PARD3: variants seen among roughly 807,000 people sequenced by gnomAD.
PARD3 encodes partitioning defective 3 homolog.
In PARD3, 75 loss-of-function variants were observed where a neutral mutation model predicts 155.4. That is an observed-to-expected ratio of 0.48 (90% confidence interval 0.40 to 0.58). PARD3 has a LOEUF of 0.58. PARD3 is among the 20% of genes least tolerant of loss of function. The probability of loss-of-function intolerance (pLI) is 0.00; values close to 1 mark genes in which losing one functional copy is unlikely to be tolerated. For synonymous variants in PARD3, 576 were observed against 610.5 expected (o/e 0.94, Z 0.83); for missense variants, 1,642 against 1,721.7 (o/e 0.95, Z 0.82).
Position 34,327,278 on chromosome 10 carries a change from A to G in PARD3, c.2833+3839T>C, listed in dbSNP as rs1019253512. On this transcript the variant is annotated intron_variant, in intron 19 of 24. Transcript: ENST00000374788. ...AGAATACAAAGCTCCATCTTGATCCAGACAGACGCACACAACATGGAGAGG... is the reference window on the plus strand; with the variant it reads ...AGAATACAAAGCTCCATCTTGATCCGGACAGACGCACACAACATGGAGAGG... Among the ~76,000 whole-genome samples the G allele has an allele frequency of 2.5e-4, 38 of 152,232 alleles. 1 individual carries two copies. The highest frequency in any genetic ancestry group is 1.0e-4 in the Non-Finnish European group (7 of 68,044).
At chr10:34,426,702 A>T (rs1368425651) in intron 5 of PARD3, 2 of 152,158 alleles carry the variant, frequency 1.3e-5, no homozygotes, top group Non-Finnish European at 2.9e-5. Context: ...TTAAAAATGT[A>T]GGAGACCTTC....
At chr10:34,345,566 C>G in intron 15 of PARD3, 1 of 985,000 alleles carries the variant, frequency 1.0e-6, no homozygotes, top group Non-Finnish European at 1.2e-6. Context: ...AATATCTATG[C>G]GCCTAGATAC....
At chr10:34,609,430 T>C (rs1342399127) in intron 2 of PARD3, among the ~76,000 whole-genome samples, 1 of 152,202 alleles carries the variant, frequency 6.6e-6, no homozygotes, top group African/African-American at 2.4e-5. Context: ...CTCAATACTG[T>C]CAAGACTGTG....
chr10:34,592,408 T>C (rs945362937), intron 2 of PARD3, among the ~76,000 whole-genome samples: 12 of 152,204 alleles, frequency 7.9e-5, no homozygotes, highest in Admixed American at 5.2e-4. Context: ...GAATGTAATA[T>C]TAGAATGCAT....
At chr10:34,691,970 C>T (rs1048480934) in intron 2 of PARD3, among the ~76,000 whole-genome samples, 10 of 152,218 alleles carry the variant, frequency 6.6e-5, no homozygotes, top group Admixed American at 2.0e-4. Flanking sequence ...TGGTGGCCCA[C>T]GCCTGTAATC....
intron 9 of PARD3, 150 bp downstream of exon 9, chr10:34,382,390 A>C (rs1841951373): frequency 2.7e-6 from 2 of 728,198 alleles, no homozygotes; most frequent in East Asian, 5.2e-5. Context: ...GTAACTTTAA[A>C]AAATCTATCA....
intron 21 of PARD3, among the ~76,000 whole-genome samples, chr10:34,278,130 T>C (rs2133899911): frequency 6.6e-6 from 1 of 152,178 alleles, no homozygotes; most frequent in Non-Finnish European, 1.5e-5. Context: ...CACTTCAGCC[T>C]TGAACTCCTG....
chr10:34,729,170 CCTT>C (rs2094772219), intron 1 of PARD3, among the ~76,000 whole-genome samples: 1 of 152,186 alleles, frequency 6.6e-6, no homozygotes, highest in East Asian at 1.9e-4. Flanking sequence ...AATGAATCCT[CCTT>C]AAGCGGCGCG....
intron 21 of PARD3, among the ~76,000 whole-genome samples, chr10:34,282,337 A>G (rs1956199167): frequency 1.3e-5 from 2 of 152,172 alleles, no homozygotes; most frequent in Admixed American, 1.3e-4. Flanking sequence ...TTGTAAATTC[A>G]TTATGATCAA....
chr10:34,263,885 T>C (rs1955157276), intron 22 of PARD3, among the ~76,000 whole-genome samples: 1 of 152,206 alleles, frequency 6.6e-6, no homozygotes, highest in South Asian at 2.1e-4. Flanking sequence ...GAAGAGCTAA[T>C]TGAGCAACAC....
At chr10:34,364,726 G>C (rs1322685754) in intron 12 of PARD3, among the ~76,000 whole-genome samples, 2 of 152,094 alleles carry the variant, frequency 1.3e-5, no homozygotes, top group African/African-American at 4.8e-5. Context: ...GAGCCACCAT[G>C]CCCAGCTGAG....
At chr10:34,491,507 T>C (rs574461472) in intron 3 of PARD3, among the ~76,000 whole-genome samples, 1 of 152,352 alleles carries the variant, frequency 6.6e-6, no homozygotes, top group South Asian at 2.1e-4. Context: ...TTGTCCCTCT[T>C]GGGAATGATA....
chr10:34,804,887 A>G (rs1053376670), intron 1 of PARD3, among the ~76,000 whole-genome samples: 1 of 152,224 alleles, frequency 6.6e-6, no homozygotes, highest in African/African-American at 2.4e-5. Context: ...ATTAATACAC[A>G]TCTTTTGATT....
At position 34,309,547 on chromosome 10, in the gene PARD3, CCAAAA is replaced by C. The variant is rs1957589443; in HGVS notation, c.3065+7555_3065+7559del. On this transcript the variant is annotated intron_variant, in intron 20 of 24. Transcript: ENST00000374788. Reference sequence around the variant, plus strand: ...ACTCCTGCTGAGCAAGACCCTGTCTCCAAAAAAAAAAAAAAAAAAAAAAAAAAAAA... The same window carrying C: ...ACTCCTGCTGAGCAAGACCCTGTCTCAAAAAAAAAAAAAAAAAAAAAAAAA... 4.3e-5 allele frequency among the ~76,000 whole-genome samples: 2 copies of C among 46,644 alleles called. 1 individual carries two copies. The highest frequency in any genetic ancestry group is 6.0e-4 in the Admixed American group (2 of 3,344). The allele number at this position is 46,644 out of a possible 152,430, so 30.6% of individuals were successfully genotyped here.
At chr10:34,798,143 G>A (rs1012990339) in intron 1 of PARD3, among the ~76,000 whole-genome samples, 2 of 146,564 alleles carry the variant, frequency 1.4e-5, no homozygotes, top group African/African-American at 2.6e-5. Context: ...AACTTAGCAA[G>A]AACCCATCTC....
chr10:34,704,582 A>G (rs1195440137), intron 1 of PARD3, among the ~76,000 whole-genome samples: 1 of 152,186 alleles, frequency 6.6e-6, no homozygotes, highest in African/African-American at 2.4e-5. Context: ...AACAACAAGA[A>G]AAAACAAACG....
At chr10:34,729,563 T>C (rs2094780202) in intron 1 of PARD3, among the ~76,000 whole-genome samples, 2 of 150,600 alleles carry the variant, frequency 1.3e-5, no homozygotes, top group Admixed American at 1.3e-4. Flanking sequence ...TAAGATATGA[T>C]GCTATAAAAA....
intron 5 of PARD3, among the ~76,000 whole-genome samples, chr10:34,439,682 C>T (rs2132641103): frequency 6.6e-6 from 1 of 152,104 alleles, no homozygotes; most frequent in Admixed American, 6.5e-5. Flanking sequence ...GTCTCAAACG[C>T]CTGACCTCAA....
At chr10:34,650,435 T>C (rs574596833) in intron 2 of PARD3, among the ~76,000 whole-genome samples, 69 of 152,356 alleles carry the variant, frequency 4.5e-4, no homozygotes, top group African/African-American at 1.3e-3. Context: ...TGTATTTGCA[T>C]GTGAACTGCT....
Sources: allele counts gnomAD v4.1 joint callset (sites outside exome capture counted in the v4.1 genomes callset), GRCh38; gene constraint gnomAD v4.1.1; transcripts MANE v1.5; gene names NCBI Gene and HGNC (gene_info 2026-07-23, HGNC 2026-07-21).